The following AOX1 variants were observed in gnomAD, a reference collection of about 807,000 sequenced individuals.
AOX1 encodes aldehyde oxidase.
AOX1 carries 153 observed loss-of-function variants against 169.5 expected under a neutral mutation model. The observed-to-expected ratio is 0.90, with a 90% CI of 0.79 to 1.03. The LOEUF (loss-of-function observed/expected upper bound fraction) is 1.03, where lower values mean the gene tolerates loss of function less well. AOX1 is among the 50% of genes least tolerant of loss of function. AOX1 has a pLI of 0.00. For synonymous variants in AOX1, 562 were observed against 581.9 expected, an observed-to-expected ratio of 0.97 and a Z score of 0.49; for missense variants, 1,656 against 1,663.9, an observed-to-expected ratio of 1.00 and a Z score of 0.08.
rs764223094 is a variant in AOX1, at chr2:200,638,185, G to C, written c.2481-30G>C. The C allele has an allele frequency of 5.0e-6, 8 of 1,606,618 alleles. No individual in the cohort carries two copies. In the East Asian group the frequency reaches 1.1e-4, roughly 22 times the overall value. Reference sequence around the variant, plus strand: ...AGAGAATGCCTGCTAGGTAAAAGAGGTTACCTCACTTACTTTTTTTCTGTT... The same window carrying C: ...AGAGAATGCCTGCTAGGTAAAAGAGCTTACCTCACTTACTTTTTTTCTGTT... On this transcript the variant is annotated intron_variant, in intron 22 of 34. Transcript: ENST00000374700.
intron 25 of AOX1, among the ~76,000 whole-genome samples, chr2:200,648,797 G>A (rs1386952441): frequency 2.0e-5 from 3 of 152,104 alleles, no homozygotes; most frequent in Non-Finnish European, 2.9e-5. Context: ...AGATTCCCAG[G>A]TCACTGGAGT....
intron 26 of AOX1, among the ~76,000 whole-genome samples, chr2:200,654,206 CAAAAAAAAAAAAAAA>C (rs60045401): frequency 5.9e-5 from 5 of 84,746 alleles, no homozygotes; most frequent in Admixed American, 5.5e-4. Context: ...GACCCTGTCT[CAAAAAAAAAAAAAAA>C]AAAAAAAAAA....
intron 1 of AOX1, among the ~76,000 whole-genome samples, chr2:200,592,089 T>TA (rs2034184967): frequency 6.6e-6 from 1 of 152,098 alleles, no homozygotes; most frequent in South Asian, 2.1e-4. Flanking sequence ...GAAAATAAAA[T>TA]AAAGAGTTCC....
chr2:200,590,131 C>T (rs1199346799), intron 1 of AOX1, among the ~76,000 whole-genome samples: 2 of 152,124 alleles, frequency 1.3e-5, no homozygotes, highest in African/African-American at 2.4e-5. Flanking sequence ...TTCACATGCA[C>T]CTCTACCCCT....
At chr2:200,619,375 C>A (rs1266392581) in intron 16 of AOX1, among the ~76,000 whole-genome samples, 9 of 152,282 alleles carry the variant, frequency 5.9e-5, no homozygotes, top group African/African-American at 2.2e-4. Flanking sequence ...GCCCCTCACC[C>A]CCAGGTCTTC....
In AOX1 at chr2:200,666,057, A is replaced by T. The variant is rs1020967518; in HGVS notation, c.3544-630A>T. ...ATGGCAGAGACCATTATATCACATT[A>T]AAAAAAATGTACAGACTTGCTGGAA... is the stretch of plus-strand genomic sequence containing the variant. On this transcript the variant is annotated intron_variant, in intron 31 of 34. Coordinates refer to ENST00000374700, the MANE Select transcript of AOX1 (RefSeq NM_001159.4). Among the ~76,000 whole-genome samples the T allele has an allele frequency of 3.9e-5, 6 of 152,068 alleles. No homozygotes were observed. In the East Asian group the frequency reaches 9.6e-4, roughly 24 times the overall value.
intron 25 of AOX1, among the ~76,000 whole-genome samples, chr2:200,644,999 G>C (rs762656181): frequency 6.6e-6 from 1 of 151,992 alleles, no homozygotes. Context: ...AAACAGTGAC[G>C]GTTTGACTTC....
chr2:200,635,062 T>TA, intron 21 of AOX1, 147 bp downstream of exon 21: 3 of 884,830 alleles, frequency 3.4e-6, no homozygotes, highest in Non-Finnish European at 5.2e-6. Flanking sequence ...CAGTGATCTA[T>TA]GATCACACCA....
intron 16 of AOX1, among the ~76,000 whole-genome samples, chr2:200,618,934 G>C (rs1185500692): frequency 6.6e-6 from 1 of 152,180 alleles, no homozygotes; most frequent in Non-Finnish European, 1.5e-5. Context: ...CAAGAGCCTT[G>C]GAGCACTTTC....
At chr2:200,586,807 C>T (rs1009482213) in intron 1 of AOX1, among the ~76,000 whole-genome samples, 1 of 152,204 alleles carries the variant, frequency 6.6e-6, no homozygotes, top group Admixed American at 6.5e-5. Context: ...GCTGGGCTCG[C>T]TCTGCGCAAC....
chr2:200,600,059 A>G (rs1027925656), intron 5 of AOX1, among the ~76,000 whole-genome samples: 6 of 152,174 alleles, frequency 3.9e-5, no homozygotes, highest in Admixed American at 2.6e-4. Flanking sequence ...GATAGGTACT[A>G]TTGTTATCCC....
chr2:200,670,838 C>A lies in AOX1; in HGVS notation c.*159C>A, dbSNP rs1007131779. On this transcript the variant is annotated 3_prime_UTR_variant, in exon 35 of 35. Transcript: ENST00000374700. ...TCTATGGAGCTGATTTAAAGTATTC[C>A]ATTTAGATTTGATAGATATGCTTAA... 2 of 570,922 alleles carry A rather than the reference C, an allele frequency of 3.5e-6. No homozygotes were observed. The highest frequency in any genetic ancestry group is 6.2e-6 in the Non-Finnish European group (2 of 324,114). 35.4% of individuals were successfully genotyped at this position (570,922 alleles called of 1,614,324 possible).
chr2:200,677,022 G>T, exon 5 of AOX1: 1 of 432,134 alleles, frequency 2.3e-6, no homozygotes, highest in Non-Finnish European at 4.7e-6. Context: ...TGGAAGAACA[G>T]TAAGTTTTCT....
downstream of AOX1, among the ~76,000 whole-genome samples, chr2:200,677,509 G>C (rs111828303): frequency 7.0e-4 from 106 of 152,158 alleles, no homozygotes; most frequent in African/African-American, 2.4e-3. Flanking sequence ...AAACACATAC[G>C]AATTAAGGGT....
rs765796757 is a variant in AOX1, at chr2:200,620,727, G to A, written c.1782G>A (p.Thr594=). 4.3e-5 allele frequency: 69 copies of A among 1,604,944 alleles called. No homozygotes were observed. Among genetic ancestry groups the A allele is most frequent in the Admixed American group, 3.4e-5 (2 of 58,176 alleles). ...IMHLSGVKHA[T]GEAIYCDDMP... is the part of the protein sequence containing the mutation. ...ATCTGTCTGGTGTGAAGCATGCCAC[G>A]GGGGAGGCCATCTACTGTGATGACA... The change falls in exon 17 of 35, where the codon ACG becomes ACA. Residue 594 remains threonine, a synonymous_variant. Coordinates refer to ENST00000374700, the MANE Select transcript of AOX1 (RefSeq NM_001159.4).
In AOX1 at chr2:200,638,251, A is replaced by C. The variant is rs770623489; in HGVS notation, c.2517A>C (p.Gly839=). Residue 839 remains glycine, a synonymous_variant, in exon 23 of 35, where the codon GGA becomes GGC. Transcript: ENST00000374700. ...GRAVRCVLER[G]EDMLITGGRH... ...CAGTTCGCTGTGTTCTGGAACGAGG[A>C]GAAGACATGTTAATAACTGGAGGCC... 1 of 1,613,760 alleles carries C rather than the reference A, an allele frequency of 6.2e-7. No individual in the cohort carries two copies. The highest frequency in any genetic ancestry group is 1.1e-5 in the South Asian group (1 of 91,078).
At chr2:200,600,619 C>T (rs1440326330) in intron 5 of AOX1, among the ~76,000 whole-genome samples, 1 of 152,156 alleles carries the variant, frequency 6.6e-6, no homozygotes, top group Non-Finnish European at 1.5e-5. Context: ...TGCTAGAGAA[C>T]ATGAGCCTAA....
At chr2:200,663,596 T>TCTCTACC (rs141563329) in intron 31 of AOX1, among the ~76,000 whole-genome samples, 1 of 147,928 alleles carries the variant, frequency 6.8e-6, no homozygotes, top group Non-Finnish European at 1.5e-5. Context: ...TCTCTCTCTC[T>TCTCTACC]CCCCCTCTTT....
At chr2:200,599,390 A>G (rs1164570066) in intron 4 of AOX1, among the ~76,000 whole-genome samples, 1 of 152,162 alleles carries the variant, frequency 6.6e-6, no homozygotes, top group Non-Finnish European at 1.5e-5. Flanking sequence ...GATTCTCAAG[A>G]GTGGTAACCA....
Sources: gnomAD v4.1 joint callset for allele counts (sites outside exome capture counted in the v4.1 genomes callset) on GRCh38, gnomAD v4.1.1 for gene constraint, MANE v1.5 for transcripts, NCBI Gene and HGNC (gene_info 2026-07-23, HGNC 2026-07-21) for gene names.